GRM1: variants seen among roughly 807,000 people sequenced by gnomAD.
GRM1 encodes glutamate metabotropic receptor 1.
GRM1 carries 33 observed loss-of-function variants against 90.9 expected under a neutral mutation model. The observed-to-expected ratio is 0.36, with a 90% CI of 0.28 to 0.49. GRM1 has a LOEUF of 0.49. Ranked by LOEUF, GRM1 falls within the 20% of genes least tolerant of loss-of-function variation. GRM1 has a pLI of 0.99. For missense variants in GRM1, 1,190 were observed against 1,534.3 expected (o/e 0.78, Z 3.75); for synonymous variants, 700 against 613.2 (o/e 1.14, Z -2.09).
chr6:146,353,971 G>A (rs1785496267), intron 4 of GRM1, among the ~76,000 whole-genome samples: 1 of 152,142 alleles, frequency 6.6e-6, no homozygotes, highest in South Asian at 2.1e-4. Flanking sequence ...TACTGTAAGG[G>A]ACTGTTTGAC....
intron 7 of GRM1, among the ~76,000 whole-genome samples, chr6:146,426,317 C>T (rs1391146650): frequency 2.7e-5 from 4 of 150,006 alleles, no homozygotes; most frequent in African/African-American, 9.8e-5. Flanking sequence ...GACACACACA[C>T]ACACACACAG....
intron 3 of GRM1, among the ~76,000 whole-genome samples, chr6:146,313,687 T>A (rs1038105118): frequency 6.6e-6 from 1 of 152,196 alleles, no homozygotes; most frequent in Non-Finnish European, 1.5e-5. Context: ...TTCTTCCTTT[T>A]TATAGTTTTA....
intron 1 of GRM1, among the ~76,000 whole-genome samples, chr6:146,079,733 G>A (rs1393203891): frequency 2.0e-5 from 3 of 152,094 alleles, no homozygotes; most frequent in Non-Finnish European, 4.4e-5. Flanking sequence ...TTTCAATCAC[G>A]AGAATATAGA....
intron 7 of GRM1, among the ~76,000 whole-genome samples, chr6:146,430,983 T>C (rs535329755): frequency 1.3e-5 from 2 of 152,348 alleles, no homozygotes; most frequent in African/African-American, 4.8e-5. Flanking sequence ...CAGGTATAGA[T>C]GCATGGACCT....
chr6:146,224,689 C>T (rs1330592458), intron 2 of GRM1, among the ~76,000 whole-genome samples: 1 of 152,114 alleles, frequency 6.6e-6, no homozygotes, highest in Non-Finnish European at 1.5e-5. Flanking sequence ...AAAGTTTCTG[C>T]CTTCCCTTGG....
chr6:146,083,334 G>C (rs1191500755), intron 1 of GRM1, among the ~76,000 whole-genome samples: 2 of 152,110 alleles, frequency 1.3e-5, no homozygotes, highest in African/African-American at 4.8e-5. Context: ...AATGCTTCCA[G>C]CTTTTGCCCA....
In GRM1 at chr6:146,319,801, T is replaced by C. The variant is rs138324638; in HGVS notation, c.1186+14955T>C. Among the ~76,000 whole-genome samples, 1,177 of 152,326 alleles carry C rather than the reference T, an allele frequency of 7.7e-3. 16 individuals carry two copies. The highest frequency in any genetic ancestry group is 0.027 in the African/African-American group (1,128 of 41,566). ...GGTGTATAGTAATGCTTGTGATTTT[T>C]GCACATTGCTTCTGTATCCTGAGAC... On this transcript the variant is annotated intron_variant, in intron 3 of 7. Coordinates refer to ENST00000282753, the MANE Select transcript of GRM1 (RefSeq NM_001278064.2).
intron 3 of GRM1, among the ~76,000 whole-genome samples, chr6:146,319,286 G>A (rs994639005): frequency 2.0e-5 from 3 of 152,066 alleles, no homozygotes; most frequent in African/African-American, 7.2e-5. Flanking sequence ...TACATGTGTT[G>A]TACATTATTT....
chr6:146,361,864 A>G (rs1252916201), intron 5 of GRM1, among the ~76,000 whole-genome samples: 2 of 152,202 alleles, frequency 1.3e-5, no homozygotes, highest in African/African-American at 4.8e-5. Context: ...TCAATTTCTA[A>G]GCCTTTATTT....
chr6:146,137,817 T>G (rs940164665), intron 1 of GRM1, among the ~76,000 whole-genome samples: 7 of 150,820 alleles, frequency 4.6e-5, no homozygotes, highest in African/African-American at 1.2e-4. Context: ...TTTTGTGTCC[T>G]GCTCAATTTA....
chr6:146,391,145 A>G (rs1776703218), intron 6 of GRM1, among the ~76,000 whole-genome samples: 1 of 152,072 alleles, frequency 6.6e-6, no homozygotes, highest in South Asian at 2.1e-4. Context: ...ACCTAATTGG[A>G]AAAAAGTCTG....
intron 2 of GRM1, among the ~76,000 whole-genome samples, chr6:146,274,663 TTA>T (rs1782289393): frequency 6.6e-6 from 1 of 152,202 alleles, no homozygotes; most frequent in South Asian, 2.1e-4. Context: ...TGAATATATA[TTA>T]GTTATTAATA....
At chr6:146,068,198 C>G (rs1775912091) in intron 1 of GRM1, among the ~76,000 whole-genome samples, 1 of 151,990 alleles carries the variant, frequency 6.6e-6, no homozygotes, top group Middle Eastern at 3.4e-3. Context: ...TCTGCAAGCT[C>G]CACCTCCGGG....
chr6:146,068,760 A>G (rs1415237195), intron 1 of GRM1, among the ~76,000 whole-genome samples: 2 of 152,244 alleles, frequency 1.3e-5, no homozygotes, highest in African/African-American at 4.8e-5. Context: ...CTTGAGGACA[A>G]TTAAAAAGTA....
At chr6:146,162,957 A>G (rs1451980804) in intron 2 of GRM1, among the ~76,000 whole-genome samples, 1 of 152,066 alleles carries the variant, frequency 6.6e-6, no homozygotes, top group Non-Finnish European at 1.5e-5. Context: ...GCTCCACATC[A>G]TCTTTAAACA....
At chr6:146,042,700 G>T (rs1791160196) in intron 1 of GRM1, among the ~76,000 whole-genome samples, 1 of 152,022 alleles carries the variant, frequency 6.6e-6, no homozygotes, top group South Asian at 2.1e-4. Flanking sequence ...ATTGAGATGA[G>T]AAACCACATA....
chr6:146,367,913 G>A (rs1025082170), intron 5 of GRM1, among the ~76,000 whole-genome samples: 1 of 151,994 alleles, frequency 6.6e-6, no homozygotes, highest in South Asian at 2.1e-4. Flanking sequence ...ATTGCTATTG[G>A]TATTTTGATA....
chr6:146,058,417 C>A (rs1050690335), intron 1 of GRM1, among the ~76,000 whole-genome samples: 1 of 152,016 alleles, frequency 6.6e-6, no homozygotes, highest in Non-Finnish European at 1.5e-5. Context: ...TAGTATTATG[C>A]CTAAAAGTGC....
intron 2 of GRM1, among the ~76,000 whole-genome samples, chr6:146,253,485 A>G (rs898874994): frequency 3.9e-5 from 6 of 152,202 alleles, no homozygotes; most frequent in East Asian, 3.9e-4. Context: ...ATTCGTTAAC[A>G]TTGATGTATG....
Sources: allele counts gnomAD v4.1 joint callset (sites outside exome capture counted in the v4.1 genomes callset), GRCh38; gene constraint gnomAD v4.1.1; transcripts MANE v1.5; gene names NCBI Gene and HGNC (gene_info 2026-07-23, HGNC 2026-07-21).